Variants in FZD3 observed in about 807,000 individuals in gnomAD.
The protein encoded by FZD3 is frizzled-3.
A neutral mutation model predicts 60.7 loss-of-function variants in FZD3; 30 were observed. That is an observed-to-expected ratio of 0.49 (90% confidence interval 0.37 to 0.67). The LOEUF is 0.67. Ranked by LOEUF, FZD3 falls within the 30% of genes least tolerant of loss-of-function variation. The probability of loss-of-function intolerance (pLI) is 0.00; values close to 1 mark genes in which losing one functional copy is unlikely to be tolerated. For synonymous variants in FZD3, 246 were observed against 275.2 expected, an observed-to-expected ratio of 0.89 and a Z score of 1.05; for missense variants, 605 against 838.7, an observed-to-expected ratio of 0.72 and a Z score of 3.44.
chr8:28,502,073 C>T (rs1036063149), intron 2 of FZD3, among the ~76,000 whole-genome samples: 2 of 152,140 alleles, frequency 1.3e-5, no homozygotes. Context: ...ATGATTCACT[C>T]ATATCATCCC....
In FZD3 at chr8:28,503,061, C is replaced by T. The variant is rs777505254; in HGVS notation, c.48C>T (p.Phe16=). 2.1e-5 allele frequency: 34 copies of T among 1,613,494 alleles called. No homozygotes were observed. Among genetic ancestry groups the T allele is most frequent in the Non-Finnish European group, 8.5e-7 (1 of 1,179,622 alleles). Reference sequence around the variant, plus strand: ...TCTCTCTTTGGCCCTTGACTGTGTTCATGGGGCATATAGGTGGGCACAGTT... The same window carrying T: ...TCTCTCTTTGGCCCTTGACTGTGTTTATGGGGCATATAGGTGGGCACAGTT... ...IVFSLWPLTV[F]MGHIGGHSLF... is the part of the protein sequence containing the mutation. Residue 16 remains phenylalanine, a synonymous_variant, in exon 3 of 8, where the codon TTC becomes TTT. Coordinates refer to ENST00000240093, the MANE Select transcript of FZD3 (RefSeq NM_017412.4).
At chr8:28,509,671 G>A (rs952306156) in intron 3 of FZD3, among the ~76,000 whole-genome samples, 6 of 152,034 alleles carry the variant, frequency 3.9e-5, no homozygotes, top group African/African-American at 9.7e-5. Context: ...TATGTATTTC[G>A]TATAAGAGGA....
In FZD3 at chr8:28,551,592, T is replaced by G. The variant is rs778603207; in HGVS notation, c.1405-11T>G. The G allele has an allele frequency of 6.4e-7, 1 of 1,571,646 alleles. No individual in the cohort carries two copies. Among genetic ancestry groups the G allele is most frequent in the Non-Finnish European group, 8.7e-7 (1 of 1,149,166 alleles). On this transcript the variant is annotated splice_polypyrimidine_tract_variant and intron_variant, in intron 5 of 7. Coordinates refer to ENST00000240093, the MANE Select transcript of FZD3 (RefSeq NM_017412.4). Reference sequence around the variant, plus strand: ...TATATATTTAAGATGCTTTTCTTTCTGTTCTTCCAGGTTACTCAAATGAGT... The same window carrying G: ...TATATATTTAAGATGCTTTTCTTTCGGTTCTTCCAGGTTACTCAAATGAGT...
At chr8:28,549,393 T>C (rs1028010920) in intron 5 of FZD3, among the ~76,000 whole-genome samples, 4 of 152,312 alleles carry the variant, frequency 2.6e-5, no homozygotes, top group African/African-American at 9.6e-5. Context: ...CTAATTGATA[T>C]TTATATACAT....
rs1294174245 is a variant in FZD3 at position 28,494,307 on chromosome 8, C to CCG, written c.-426_-425insGC. ...CGGCCGCCCGCGGCAGGCGGTGCAG[C>CCG]CCCCCCACCCCTTGGAGCCAGGCGC... On this transcript the variant is annotated 5_prime_UTR_variant, in exon 1 of 8. Transcript: ENST00000240093. 1 of 4,544 alleles carries CCG rather than the reference C, an allele frequency of 2.2e-4. No individual in the cohort carries two copies. Among genetic ancestry groups the CCG allele is most frequent in the Non-Finnish European group, 6.5e-4 (1 of 1,550 alleles). The allele number at this position is 4,544 out of a possible 1,614,324, so 0.3% of individuals were successfully genotyped here.
chr8:28,535,487 G>A (rs1435011722), intron 5 of FZD3, among the ~76,000 whole-genome samples: 2 of 152,134 alleles, frequency 1.3e-5, no homozygotes, highest in African/African-American at 4.8e-5. Flanking sequence ...TCCAGGAGAT[G>A]ACATGTAGTA....
At chr8:28,562,758 T>C in intron 7 of FZD3, 40 bp from the exon 8 acceptor site, 2 of 1,131,644 alleles carry the variant, frequency 1.8e-6, no homozygotes, top group Non-Finnish European at 2.6e-6. Flanking sequence ...TATTTTCTAG[T>C]GTGTTCTGTT....
chr8:28,522,535 A>G (rs759279918), intron 4 of FZD3, among the ~76,000 whole-genome samples: 4 of 152,152 alleles, frequency 2.6e-5, no homozygotes, highest in Non-Finnish European at 5.9e-5. Context: ...AAGTCTGTAA[A>G]TTGGTATAAA....
At chr8:28,536,434 G>A (rs1164862303) in intron 5 of FZD3, among the ~76,000 whole-genome samples, 5 of 152,180 alleles carry the variant, frequency 3.3e-5, no homozygotes, top group South Asian at 4.1e-4. Flanking sequence ...TAGTCCGGGC[G>A]CAGTGGCTCA....
intron 5 of FZD3, among the ~76,000 whole-genome samples, chr8:28,543,814 G>A (rs1469736259): frequency 2.0e-5 from 3 of 151,904 alleles, no homozygotes; most frequent in Non-Finnish European, 4.4e-5. Context: ...AACTTTTGTA[G>A]CAAAACTAGT....
At chr8:28,541,933 C>T (rs114206583) in intron 5 of FZD3, among the ~76,000 whole-genome samples, 1,692 of 152,260 alleles carry the variant, frequency 0.011, 27 homozygotes, top group African/African-American at 0.038. Context: ...TTCAGTAATT[C>T]ACAATGGCCT....
intron 1 of FZD3, among the ~76,000 whole-genome samples, chr8:28,497,848 C>T (rs1803883313): frequency 6.6e-6 from 1 of 152,184 alleles, no homozygotes; most frequent in South Asian, 2.1e-4. Context: ...CTGCGTTTCC[C>T]ACCGAGTTCT....
intron 5 of FZD3, among the ~76,000 whole-genome samples, 163 bp from the exon 6 acceptor site, chr8:28,551,440 T>G (rs887741483): frequency 1.3e-5 from 2 of 152,152 alleles, no homozygotes; most frequent in Non-Finnish European, 2.9e-5. Context: ...TGCTTGAACC[T>G]GGGAGGCAGA....
intron 4 of FZD3, among the ~76,000 whole-genome samples, chr8:28,522,917 C>T (rs1804622711): frequency 6.6e-6 from 1 of 151,684 alleles, no homozygotes. Flanking sequence ...TTACAGGTGC[C>T]CACCACCACA....
At chr8:28,514,409 A>G (rs1264098259) in intron 3 of FZD3, among the ~76,000 whole-genome samples, 1 of 152,214 alleles carries the variant, frequency 6.6e-6, no homozygotes, top group Non-Finnish European at 1.5e-5. Flanking sequence ...TAATGTGAGT[A>G]CAGTAAACTG....
intron 5 of FZD3, among the ~76,000 whole-genome samples, chr8:28,541,749 A>G (rs1371105480): frequency 6.6e-6 from 1 of 152,200 alleles, no homozygotes; most frequent in Non-Finnish European, 1.5e-5. Context: ...AATTTTTCTC[A>G]AATCTGCTTC....
chr8:28,571,125 C>G lies in FZD3; in HGVS notation c.*8114C>G, dbSNP rs1196270033. 1 of 151,044 alleles carries G rather than the reference C, an allele frequency of 6.6e-6. No homozygotes were observed. Among genetic ancestry groups the G allele is most frequent in the Admixed American group, 6.6e-5 (1 of 15,178 alleles). 9.4% of individuals were successfully genotyped at this position (151,044 alleles called of 1,614,324 possible). Reference sequence around the variant, plus strand: ...AATTGAATCTGAGATTCAAATATTTCATTTAATATTTTCTGGGTTTTGATA... The same window carrying G: ...AATTGAATCTGAGATTCAAATATTTGATTTAATATTTTCTGGGTTTTGATA... On this transcript the variant is annotated 3_prime_UTR_variant, in exon 8 of 8. Transcript: ENST00000240093.
Position 28,573,592 on chromosome 8 carries a change from G to A in FZD3, c.*10581G>A, listed in dbSNP as rs1324625166. 1 of 150,268 alleles carries A rather than the reference G, an allele frequency of 6.7e-6. No homozygotes were observed. Among genetic ancestry groups the A allele is most frequent in the Non-Finnish European group, 1.5e-5 (1 of 67,642 alleles). The allele number at this position is 150,268 out of a possible 1,614,324, so 9.3% of individuals were successfully genotyped here. A position where few individuals can be genotyped will look rare whatever the true frequency, so the allele number is the denominator to read the frequency against. ...TTTTTTAAGTTCAAGCGCAATGCCT[G>A]AAGCATCCTAGATCTCCTTCACCCT... On this transcript the variant is annotated 3_prime_UTR_variant, in exon 8 of 8. Coordinates refer to ENST00000240093, the MANE Select transcript of FZD3 (RefSeq NM_017412.4).
intron 5 of FZD3, among the ~76,000 whole-genome samples, chr8:28,548,697 C>G (rs1585995258): frequency 6.6e-6 from 1 of 152,026 alleles, no homozygotes; most frequent in African/African-American, 2.4e-5. Context: ...TCAGGACTTT[C>G]CTGTTTGTTC....
Sources: allele counts gnomAD v4.1 joint callset (sites outside exome capture counted in the v4.1 genomes callset), GRCh38; gene constraint gnomAD v4.1.1; transcripts MANE v1.5; gene names NCBI Gene and HGNC (gene_info 2026-07-23, HGNC 2026-07-21).